The following AMMECR1 variants were observed in gnomAD, a reference collection of about 807,000 sequenced individuals.
AMMECR1 encodes the protein AMMECR nuclear protein 1, also known as nuclear protein AMMECR1.
In AMMECR1, 3 loss-of-function variants were observed where a neutral mutation model predicts 22.5. The ratio of observed to expected loss-of-function variants is 0.13; its 90% confidence interval spans 0.06 to 0.35. The LOEUF is 0.35. Ranked by LOEUF, AMMECR1 falls within the 10% of genes least tolerant of loss-of-function variation. The pLI is 1.00. For missense variants in AMMECR1, 235 were observed against 278.7 expected (o/e 0.84, Z 1.12); for synonymous variants, 130 against 116.7 (o/e 1.11, Z -0.74).
intron 2 of AMMECR1, among the ~76,000 whole-genome samples, chrX:110,352,909 G>A (rs1000688625): frequency 8.9e-6 from 1 of 111,808 alleles, no homozygotes; most frequent in Admixed American, 9.5e-5. Flanking sequence ...AAACAGAGAA[G>A]GTGGAAAAAA....
intron 1 of AMMECR1, among the ~76,000 whole-genome samples, chrX:110,296,195 GAC>G (rs2067935075): frequency 8.9e-6 from 1 of 111,983 alleles, no homozygotes; most frequent in Admixed American, 9.4e-5. Context: ...AATATTGGTT[GAC>G]AGTCTTATTT....
At chrX:110,265,477 C>T (rs1342557597) in intron 1 of AMMECR1, among the ~76,000 whole-genome samples, 1 of 111,807 alleles carries the variant, frequency 8.9e-6, no homozygotes, top group African/African-American at 3.2e-5. Flanking sequence ...TCAAGAATAA[C>T]GTGGTTTTAG....
At chrX:110,422,591 C>T (rs985998219) in intron 2 of AMMECR1, among the ~76,000 whole-genome samples, 2 of 112,528 alleles carry the variant, frequency 1.8e-5, no homozygotes, top group East Asian at 5.5e-4. Context: ...GTTTTCACAT[C>T]GCAAATGTAA....
At chrX:110,356,571 A>G (rs1304581645) in intron 2 of AMMECR1, among the ~76,000 whole-genome samples, 6 of 111,504 alleles carry the variant, frequency 5.4e-5, no homozygotes, top group Non-Finnish European at 1.9e-5. Context: ...TTACCACAAA[A>G]TAATGATAAA....
Position 110,362,766 on chromosome X carries a change from T to C in AMMECR1, c.-147-44917A>G, listed in dbSNP as rs765843147. 1.6e-4 allele frequency among the ~76,000 whole-genome samples: 18 copies of C among 112,269 alleles called. No homozygotes were observed. In the East Asian group the frequency reaches 4.7e-3, roughly 30 times the overall value. On this transcript the variant is annotated intron_variant, in intron 2 of 7. Coordinates refer to the AMMECR1 transcript ENST00000372057. ...TATCCTGTAGTTATATGACTTCCTA[T>C]TGAAAATGCACTTTCACTCATTCAT...
intron 2 of AMMECR1, among the ~76,000 whole-genome samples, chrX:110,223,340 G>A (rs776168573): frequency 9.8e-4 from 110 of 112,142 alleles, no homozygotes; most frequent in Non-Finnish European, 1.8e-3. Flanking sequence ...ATCTGCCAAA[G>A]TAAAATGAAT....
At chrX:110,394,091 C>T (rs1029432823) in intron 2 of AMMECR1, among the ~76,000 whole-genome samples, 4 of 112,319 alleles carry the variant, frequency 3.6e-5, no homozygotes, top group Middle Eastern at 4.2e-3. Flanking sequence ...TTGCTACAAC[C>T]GCTGTCACTC....
intron 2 of AMMECR1, among the ~76,000 whole-genome samples, chrX:110,346,414 TAA>T (rs1290637896): frequency 8.9e-6 from 1 of 112,091 alleles, no homozygotes; most frequent in Non-Finnish European, 1.9e-5. Flanking sequence ...TAAACCACAA[TAA>T]GTTACTAGTT....
At chrX:110,209,278 G>A (rs965828722) in intron 3 of AMMECR1, among the ~76,000 whole-genome samples, 2 of 112,420 alleles carry the variant, frequency 1.8e-5, no homozygotes, top group African/African-American at 6.5e-5. Flanking sequence ...AAAGTTACAT[G>A]TGGGTTGAGT....
rs58422043 is a variant in AMMECR1, at chrX:110,416,006, C to CAA, written c.-148+10650_-148+10651dup. ...GTGGGTTAACTTAACCCAGAAGAGG[C>CAA]AAAAAAAAAAAAAAAATGGGAAGCA... On this transcript the variant is annotated intron_variant, in intron 2 of 7. Coordinates refer to the AMMECR1 transcript ENST00000372057. Among the ~76,000 whole-genome samples the CAA allele has an allele frequency of 9.3e-3, 695 of 74,361 alleles. 4 individuals are homozygous for CAA. The highest frequency in any genetic ancestry group is 0.012 in the East Asian group (28 of 2,329). The allele number at this position is 74,361 out of a possible 115,157, so 64.6% of individuals were successfully genotyped here.
chrX:110,302,911 A>AG (rs1569401766), intron 1 of AMMECR1, among the ~76,000 whole-genome samples: 1 of 110,896 alleles, frequency 9.0e-6, no homozygotes, highest in African/African-American at 3.3e-5. Flanking sequence ...ACAAAAAAAA[A>AG]AGAGAGAGAG....
intron 2 of AMMECR1, among the ~76,000 whole-genome samples, chrX:110,375,332 T>C (rs142870652): frequency 0.026 from 2,886 of 111,850 alleles, 91 homozygotes; most frequent in African/African-American, 0.089. Context: ...CAGGAAACTT[T>C]AGTTCTAGTC....
At chrX:110,251,415 G>A (rs773868770) in intron 2 of AMMECR1, among the ~76,000 whole-genome samples, 7 of 111,728 alleles carry the variant, frequency 6.3e-5, no homozygotes, top group Non-Finnish European at 1.3e-4. Flanking sequence ...AAGCCAGAGA[G>A]ACATGAAAGA....
At chrX:110,285,160 C>T (rs2067872644) in intron 1 of AMMECR1, among the ~76,000 whole-genome samples, 1 of 112,012 alleles carries the variant, frequency 8.9e-6, no homozygotes, top group Non-Finnish European at 1.9e-5. Flanking sequence ...AGAACGGTGC[C>T]TAGAACACCA....
chrX:110,256,594 T>TA (rs2067712435), intron 2 of AMMECR1, among the ~76,000 whole-genome samples: 1 of 111,734 alleles, frequency 8.9e-6, no homozygotes, highest in Non-Finnish European at 1.9e-5. Flanking sequence ...GAGTTGTTTC[T>TA]AAGAAAAATA....
chrX:110,230,818 A>T (rs767105355), intron 2 of AMMECR1, among the ~76,000 whole-genome samples: 31 of 111,864 alleles, frequency 2.8e-4, no homozygotes, highest in Non-Finnish European at 5.8e-4. Flanking sequence ...TAGAATAAAC[A>T]GTGTAGAGAA....
At chrX:110,282,342 G>A (rs1356431026) in intron 1 of AMMECR1, among the ~76,000 whole-genome samples, 2 of 110,157 alleles carry the variant, frequency 1.8e-5, no homozygotes, top group Admixed American at 1.9e-4. Context: ...GAAGACTTAG[G>A]CCCAAAGCTC....
intron 2 of AMMECR1, among the ~76,000 whole-genome samples, chrX:110,422,301 C>A (rs753090472): frequency 1.2e-3 from 141 of 113,002 alleles, no homozygotes; most frequent in African/African-American, 4.3e-3. Context: ...TTTCTGGCAG[C>A]CTTTTGTTGT....
At chrX:110,200,714 C>T (rs2067392872) in intron 5 of AMMECR1, among the ~76,000 whole-genome samples, 1 of 111,871 alleles carries the variant, frequency 8.9e-6, no homozygotes, top group Non-Finnish European at 1.9e-5. Flanking sequence ...AGGGCTTGCT[C>T]GTACAAAAGC....
Sources: allele counts gnomAD v4.1 joint callset (sites outside exome capture counted in the v4.1 genomes callset), GRCh38; gene constraint gnomAD v4.1.1; transcripts MANE v1.5; gene names NCBI Gene and HGNC (gene_info 2026-07-23, HGNC 2026-07-21).